Variants in CATSPERE observed in about 807,000 individuals in gnomAD.
The protein encoded by CATSPERE is cation channel sperm-associated auxiliary subunit epsilon.
Under a neutral mutation model 114.1 loss-of-function variants are expected in CATSPERE, and 93 were observed. The observed-to-expected ratio is 0.81, with a 90% CI of 0.69 to 0.97. The LOEUF (loss-of-function observed/expected upper bound fraction) is 0.97. Among genes scored for constraint, CATSPERE ranks in the 50% least tolerant of loss-of-function variants. The probability of loss-of-function intolerance (pLI) is 0.00; values close to 1 mark genes in which losing one functional copy is unlikely to be tolerated. For missense variants in CATSPERE, 1,058 were observed against 1,131.6 expected, an observed-to-expected ratio of 0.93 and a Z score of 0.93; for synonymous variants, 341 against 384.1, an observed-to-expected ratio of 0.89 and a Z score of 1.31.
intron 12 of CATSPERE, 107 bp downstream of exon 12, chr1:244,581,961 C>A: frequency 2.0e-6 from 1 of 492,704 alleles, no homozygotes; most frequent in Non-Finnish European, 3.6e-6. Context: ...TTTAAATATT[C>A]AAATTTCAGA....
At chr1:244,520,490 C>T (rs1386326852) in intron 8 of CATSPERE, among the ~76,000 whole-genome samples, 1 of 152,136 alleles carries the variant, frequency 6.6e-6, no homozygotes, top group Non-Finnish European at 1.5e-5. Context: ...TATTCCATTG[C>T]CCTACATATT....
At chr1:244,636,958 C>G (rs1216538912) in intron 21 of CATSPERE, among the ~76,000 whole-genome samples, 4 of 152,226 alleles carry the variant, frequency 2.6e-5, no homozygotes, top group African/African-American at 9.6e-5. Flanking sequence ...CCATTCTGCT[C>G]TCTCTCTGGA....
At chr1:244,546,710 G>C (rs759375508) in intron 8 of CATSPERE, among the ~76,000 whole-genome samples, 4 of 152,064 alleles carry the variant, frequency 2.6e-5, no homozygotes, top group Non-Finnish European at 4.4e-5. Flanking sequence ...ATGCAATAGA[G>C]AGCATCAACA....
chr1:244,480,202 A>G (rs1403011476), intron 5 of CATSPERE, among the ~76,000 whole-genome samples: 2 of 152,196 alleles, frequency 1.3e-5, no homozygotes, highest in African/African-American at 2.4e-5. Context: ...CCTTCTTTGT[A>G]TTGGATAGCT....
upstream of CATSPERE, among the ~76,000 whole-genome samples, chr1:244,452,459 G>C (rs529202074): frequency 2.0e-4 from 30 of 152,332 alleles, no homozygotes; most frequent in African/African-American, 7.2e-4. Flanking sequence ...AAGTCCGGAA[G>C]TAACAGAGAT....
intron 21 of CATSPERE, among the ~76,000 whole-genome samples, chr1:244,638,934 T>C (rs1674990431): frequency 6.6e-6 from 1 of 152,224 alleles, no homozygotes; most frequent in African/African-American, 2.4e-5. Context: ...CTTTTCTACC[T>C]TCACACTCAT....
chr1:244,489,730 C>G (rs1019909037), intron 5 of CATSPERE, among the ~76,000 whole-genome samples: 1 of 151,882 alleles, frequency 6.6e-6, no homozygotes, highest in African/African-American at 2.4e-5. Flanking sequence ...TAACTGTGCA[C>G]CAATTTCTTC....
At chr1:244,479,937 C>T (rs1480316022) in intron 5 of CATSPERE, among the ~76,000 whole-genome samples, 153 bp downstream of exon 5, 1 of 152,166 alleles carries the variant, frequency 6.6e-6, no homozygotes, top group African/African-American at 2.4e-5. Flanking sequence ...CGAAGAAATA[C>T]TGAAGAACAA....
chr1:244,570,240 A>ATT (rs1220989928), intron 10 of CATSPERE, among the ~76,000 whole-genome samples: 1 of 152,090 alleles, frequency 6.6e-6, no homozygotes, highest in Non-Finnish European at 1.5e-5. Context: ...AAAGTAGGCT[A>ATT]TTTTAACTTT....
intron 7 of CATSPERE, among the ~76,000 whole-genome samples, chr1:244,499,732 C>A (rs1031239840): frequency 1.3e-5 from 2 of 152,092 alleles, no homozygotes; most frequent in Non-Finnish European, 2.9e-5. Flanking sequence ...TTTTCTTTAT[C>A]CAGTCTCTCA....
chr1:244,478,065 A>T, intron 4 of CATSPERE, 90 bp downstream of exon 4: 2 of 982,852 alleles, frequency 2.0e-6, no homozygotes, highest in Non-Finnish European at 3.1e-6. Context: ...TGAGCTTTTC[A>T]ATCTAATTTA....
chr1:244,578,793 G>T (rs1665693513), intron 11 of CATSPERE, among the ~76,000 whole-genome samples: 1 of 118,226 alleles, frequency 8.5e-6, no homozygotes. Context: ...ACATATATAT[G>T]TATACAGGTT....
chr1:244,536,889 G>C (rs1420735416), intron 8 of CATSPERE, among the ~76,000 whole-genome samples: 1 of 149,686 alleles, frequency 6.7e-6, no homozygotes, highest in African/African-American at 2.4e-5. Context: ...ATTGACTTTT[G>C]TATGGACTTT....
chr1:244,557,549 ATATATATATAT>A (rs2148518023), intron 9 of CATSPERE, among the ~76,000 whole-genome samples: 1 of 43,400 alleles, frequency 2.3e-5, no homozygotes, highest in East Asian at 7.7e-4. Context: ...ATATATATAT[ATATATATATAT>A]ATATATATAT....
intron 20 of CATSPERE, among the ~76,000 whole-genome samples, chr1:244,625,359 GTTT>G (rs1257328373): frequency 3.1e-5 from 3 of 97,256 alleles, no homozygotes; most frequent in Non-Finnish European, 5.9e-5. Context: ...TTTTGGGGGG[GTTT>G]ATTTATTTAT....
intron 14 of CATSPERE, among the ~76,000 whole-genome samples, chr1:244,589,150 C>G (rs1199143027): frequency 6.6e-6 from 1 of 152,152 alleles, no homozygotes; most frequent in East Asian, 1.9e-4. Context: ...AGGCAGCATA[C>G]ACAAATCTGT....
intron 12 of CATSPERE, among the ~76,000 whole-genome samples, chr1:244,582,901 A>G (rs1666394246): frequency 2.6e-5 from 1 of 39,148 alleles, no homozygotes; most frequent in African/African-American, 7.0e-5. Context: ...TATGAAGAAA[A>G]CAGAATTTGA....
Position 244,461,496 on chromosome 1 carries a change from TAG to T in CATSPERE, c.65+8_65+9del, listed in dbSNP as rs1314363613. On this transcript the variant is annotated splice_donor_region_variant and intron_variant, in intron 1 of 21. Transcript: ENST00000366534. ...CTGCTATGGCTCCGCCCTTTGGAGG[TAG>T]AGAGACGCCAGTCGCAGGCGAGCGA... 1.5e-6 allele frequency: 2 copies of T among 1,314,858 alleles called. No homozygotes were observed. Among genetic ancestry groups the T allele is most frequent in the Non-Finnish European group, 2.0e-6 (2 of 1,023,442 alleles). The allele number at this position is 1,314,858 out of a possible 1,614,324, so 81.4% of individuals were successfully genotyped here.
At chr1:244,632,841 G>A (rs558712464) in intron 20 of CATSPERE, among the ~76,000 whole-genome samples, 5 of 152,156 alleles carry the variant, frequency 3.3e-5, no homozygotes, top group South Asian at 4.1e-4. Context: ...ATTAAAGAAC[G>A]GAGATTGTCA....
Sources: allele counts gnomAD v4.1 joint callset (sites outside exome capture counted in the v4.1 genomes callset), GRCh38; gene constraint gnomAD v4.1.1; transcripts MANE v1.5; gene names NCBI Gene and HGNC (gene_info 2026-07-23, HGNC 2026-07-21).